Variants in CCDC88A observed in about 807,000 individuals in gnomAD.
The protein encoded by CCDC88A is girdin.
In CCDC88A, 54 loss-of-function variants were observed where a neutral mutation model predicts 234.3. The observed-to-expected ratio is 0.23, with a 90% CI of 0.19 to 0.29. The LOEUF is 0.29. Among genes scored for constraint, CCDC88A ranks in the 10% least tolerant of loss-of-function variants. The probability of loss-of-function intolerance (pLI) is 1.00; values close to 1 mark genes in which losing one functional copy is unlikely to be tolerated. For missense variants in CCDC88A, 1,832 were observed against 2,123.4 expected, an observed-to-expected ratio of 0.86 and a Z score of 2.70; for synonymous variants, 753 against 737.8, an observed-to-expected ratio of 1.02 and a Z score of -0.33.
rs1680036270 is a variant in CCDC88A at position 55,296,416 on chromosome 2, A to C, written c.4933T>G (p.Tyr1645Asp). The change falls in exon 30 of 33, where the codon TAC becomes GAC. Residue 1645 changes from tyrosine (Y) to aspartate (D), a missense_variant. Physicochemically the swap from Tyr to Asp is radical, Grantham distance 160. Around this residue, in one of 6 missense-constraint regions of CCDC88A, gnomAD observed 422 missense variants for 416.5 expected, o/e 1.01. Coordinates refer to ENST00000436346, the MANE Select transcript of CCDC88A (RefSeq NM_001365480.1). Reference sequence around the variant, plus strand: ...CTTGATCTGGTCTGTCTTTTCAAGTACTGGATTGGACTGCTACCACTGCTG... The same window carrying C: ...CTTGATCTGGTCTGTCTTTTCAAGTCCTGGATTGGACTGCTACCACTGCTG... ...WSSSGSSPIQ[Y>D]LKRQTRSSPV... The C allele has an allele frequency of 6.2e-7, 1 of 1,614,070 alleles. No homozygotes were observed.
intron 3 of CCDC88A, among the ~76,000 whole-genome samples, chr2:55,377,597 T>G (rs765124034): frequency 1.3e-5 from 2 of 151,962 alleles, no homozygotes; most frequent in Non-Finnish European, 2.9e-5. Context: ...TTTTAATTTT[T>G]TATTTATTTT....
intron 3 of CCDC88A, among the ~76,000 whole-genome samples, chr2:55,377,316 T>C (rs987626181): frequency 2.3e-4 from 34 of 150,136 alleles, no homozygotes; most frequent in African/African-American, 7.6e-4. Flanking sequence ...TCCTGCCTCA[T>C]TTGTTTTTAT....
At chr2:55,300,043 G>C in intron 28 of CCDC88A, 124 bp from the exon 29 acceptor site, 1 of 678,720 alleles carries the variant, frequency 1.5e-6, no homozygotes, top group South Asian at 1.7e-5. Flanking sequence ...AGATGAGCAT[G>C]CCCAGATTAG....
chr2:55,375,879 T>C (rs1322528069), intron 3 of CCDC88A, among the ~76,000 whole-genome samples: 1 of 152,118 alleles, frequency 6.6e-6, no homozygotes, highest in East Asian at 1.9e-4. Flanking sequence ...TGTCAACTGA[T>C]ATTAAAATTA....
At chr2:55,403,463 T>C (rs1679056849) in intron 2 of CCDC88A, 1 of 152,242 alleles carries the variant, frequency 6.6e-6, no homozygotes, top group Admixed American at 6.5e-5. Context: ...TATTATACCT[T>C]ACAAGTGTGT....
intron 25 of CCDC88A, chr2:55,308,282 T>C (rs1681892641): frequency 6.5e-6 from 1 of 153,028 alleles, no homozygotes; most frequent in Non-Finnish European, 1.5e-5. Context: ...TCAATAATTT[T>C]CTTAACCTTC....
intron 3 of CCDC88A, among the ~76,000 whole-genome samples, chr2:55,386,410 G>C (rs1675642055): frequency 7.6e-6 from 1 of 132,194 alleles, no homozygotes; most frequent in Admixed American, 7.3e-5. Context: ...GACCAGCCTG[G>C]GCAACATAGT....
Position 55,301,907 on chromosome 2 carries a change from G to A in CCDC88A, c.4637C>T (p.Ala1546Val). The A allele has an allele frequency of 6.2e-7, 1 of 1,614,152 alleles. No individual in the cohort carries two copies. Among genetic ancestry groups the A allele is most frequent in the Non-Finnish European group, 8.5e-7 (1 of 1,180,006 alleles). ...AACCAACTGCTTGGATCTGAAGCCTGCAGAAGAGTTGACAGTTGAAAAGTT... is the reference window on the plus strand; with the variant it reads ...AACCAACTGCTTGGATCTGAAGCCTACAGAAGAGTTGACAGTTGAAAAGTT... ...AINFSTVNSSAGFRSKQLVNN... is the reference protein window; with the variant it reads ...AINFSTVNSSVGFRSKQLVNN... The change falls in exon 27 of 33, where the codon GCA becomes GTA. Residue 1546 changes from alanine (A) to valine (V), a missense_variant. Ala to Val is a moderately conservative substitution (Grantham distance 64). Coordinates refer to ENST00000436346, the MANE Select transcript of CCDC88A (RefSeq NM_001365480.1).
chr2:55,386,217 C>T (rs1004593540), intron 3 of CCDC88A, among the ~76,000 whole-genome samples: 1 of 28,836 alleles, frequency 3.5e-5, no homozygotes, highest in Non-Finnish European at 7.0e-5. Context: ...AGCAAAACTC[C>T]GTCTCAAAAA....
chr2:55,401,518 A>C (rs1574476091), intron 2 of CCDC88A, among the ~76,000 whole-genome samples: 1 of 31,052 alleles, frequency 3.2e-5, no homozygotes, highest in Non-Finnish European at 1.2e-4. Flanking sequence ...ATATATATAT[A>C]TATATATATA....
chr2:55,407,410 G>A (rs939122144), intron 2 of CCDC88A, among the ~76,000 whole-genome samples: 4 of 151,338 alleles, frequency 2.6e-5, no homozygotes, highest in South Asian at 2.1e-4. Flanking sequence ...TTCGAGACCC[G>A]CCTGGCCAAC....
chr2:55,331,551 C>T (rs1434004666), intron 16 of CCDC88A, among the ~76,000 whole-genome samples: 1 of 151,956 alleles, frequency 6.6e-6, no homozygotes, highest in African/African-American at 2.4e-5. Context: ...TATATAATTA[C>T]AAAAACTGAA....
In CCDC88A at chr2:55,336,635, A is replaced by C. The variant is rs190777647; in HGVS notation, c.1656+46T>G. 8.7e-4 allele frequency: 1,061 copies of C among 1,224,862 alleles called. 4 individuals carry two copies. The African/African-American group carries it at 9.0e-3, about 10-fold the overall frequency. The allele number at this position is 1,224,862 out of a possible 1,614,324, so 75.9% of individuals were successfully genotyped here. ...GCATATATTTTAAATAACTTTTGCT[A>C]ATAAATTTTAAAATACATTGTTTAC... On this transcript the variant is annotated intron_variant, in intron 14 of 32. Transcript: ENST00000436346.
chr2:55,300,690 T>C (rs1241872193), intron 28 of CCDC88A: 4 of 152,654 alleles, frequency 2.6e-5, no homozygotes, highest in African/African-American at 4.8e-5. Flanking sequence ...TTTGTATTTT[T>C]AGTAGAGATG....
intron 2 of CCDC88A, among the ~76,000 whole-genome samples, chr2:55,398,715 C>T (rs1417363985): frequency 6.6e-6 from 1 of 152,078 alleles, no homozygotes; most frequent in Non-Finnish European, 1.5e-5. Flanking sequence ...GAGTTCAAGA[C>T]TACCCTGGGC....
intron 28 of CCDC88A, chr2:55,300,205 G>A (rs1680716179): frequency 8.9e-6 from 3 of 335,222 alleles, no homozygotes; most frequent in Non-Finnish European, 1.1e-5. Flanking sequence ...TAAATAGAAT[G>A]ACATATCCCC....
chr2:55,301,005 G>A (rs1680832975), intron 28 of CCDC88A: 5 of 510,932 alleles, frequency 9.8e-6, no homozygotes, highest in Non-Finnish European at 1.7e-5. Flanking sequence ...GGCTAAAACA[G>A]AGAACATTTA....
At chr2:55,389,788 C>T (rs1676299989) in intron 2 of CCDC88A, among the ~76,000 whole-genome samples, 2 of 151,922 alleles carry the variant, frequency 1.3e-5, no homozygotes, top group South Asian at 4.2e-4. Flanking sequence ...CGCCTATAAT[C>T]CCAGCAGTTT....
chr2:55,319,625 A>G (rs1462249790), intron 18 of CCDC88A, among the ~76,000 whole-genome samples: 1 of 152,214 alleles, frequency 6.6e-6, no homozygotes, highest in African/African-American at 2.4e-5. Flanking sequence ...TATTTCAACT[A>G]TAAGACTCCT....
Sources: allele counts gnomAD v4.1 joint callset (sites outside exome capture counted in the v4.1 genomes callset), GRCh38; gene constraint gnomAD v4.1.1; regional missense constraint gnomAD v4.1.1; transcripts MANE v1.5; gene names NCBI Gene and HGNC (gene_info 2026-07-23, HGNC 2026-07-21).